The following PJA2 variants were observed in gnomAD, a reference collection of about 807,000 sequenced individuals.
The protein encoded by PJA2 is E3 ubiquitin-protein ligase Praja-2.
PJA2 carries 25 observed loss-of-function variants against 69.3 expected under a neutral mutation model. That is an observed-to-expected ratio of 0.36 (90% confidence interval 0.26 to 0.50). The LOEUF (loss-of-function observed/expected upper bound fraction) is 0.50, where lower values mean the gene tolerates loss of function less well. PJA2 is among the 20% of genes least tolerant of loss of function. The pLI is 0.96. For synonymous variants in PJA2, 308 were observed against 277.8 expected (o/e 1.11, Z -1.08); for missense variants, 809 against 830.2 (o/e 0.97, Z 0.31).
intron 6 of PJA2, among the ~76,000 whole-genome samples, chr5:109,358,494 CTG>C (rs1455898926): frequency 6.6e-6 from 1 of 152,130 alleles, no homozygotes; most frequent in Non-Finnish European, 1.5e-5. Context: ...CTCTATATTT[CTG>C]TGTGTGTGTC....
chr5:109,381,727 A>C, intron 2 of PJA2, 24 bp from the exon 3 acceptor site: 2 of 1,605,926 alleles, frequency 1.2e-6, no homozygotes, highest in Non-Finnish European at 1.7e-6. Flanking sequence ...TAAAAAATTA[A>C]AACAGGAACA....
At chr5:109,382,307 C>G (rs1426202379) in intron 2 of PJA2, among the ~76,000 whole-genome samples, 1 of 152,094 alleles carries the variant, frequency 6.6e-6, no homozygotes, top group Admixed American at 6.6e-5. Context: ...ACTACCCTGC[C>G]TTCAAAACTA....
chr5:109,338,403 T>G (rs113199826), intron 9 of PJA2, among the ~76,000 whole-genome samples: 117 of 151,878 alleles, frequency 7.7e-4, no homozygotes, highest in African/African-American at 2.4e-3. Flanking sequence ...ACTTTGGGAG[T>G]CCGAGGTGGA....
intron 1 of PJA2, among the ~76,000 whole-genome samples, chr5:109,394,295 G>A (rs1439378563): frequency 2.6e-5 from 4 of 151,652 alleles, no homozygotes; most frequent in Non-Finnish European, 4.4e-5. Context: ...TGATCCACCC[G>A]CCTCCGCCTC....
At chr5:109,400,629 AAC>A (rs1350997628) in intron 1 of PJA2, among the ~76,000 whole-genome samples, 1 of 152,160 alleles carries the variant, frequency 6.6e-6, no homozygotes, top group Non-Finnish European at 1.5e-5. Flanking sequence ...ATAAATACAA[AAC>A]ACACAAAAAT....
chr5:109,407,355 AAAC>A (rs1367273198), intron 1 of PJA2, among the ~76,000 whole-genome samples: 2 of 152,296 alleles, frequency 1.3e-5, no homozygotes, highest in South Asian at 2.1e-4. Flanking sequence ...AAAATGTCAA[AAAC>A]AACAACATAA....
chr5:109,342,463 G>A (rs1762088419), intron 9 of PJA2, among the ~76,000 whole-genome samples: 3 of 138,102 alleles, frequency 2.2e-5, no homozygotes, highest in Admixed American at 6.9e-5. Context: ...CGCCCCGTCC[G>A]GGAGGGAGGT....
At chr5:109,396,026 A>G (rs1747400962) in intron 1 of PJA2, among the ~76,000 whole-genome samples, 1 of 151,798 alleles carries the variant, frequency 6.6e-6, no homozygotes, top group Non-Finnish European at 1.5e-5. Context: ...AAAAAAAAAG[A>G]AATGGCCAGA....
In PJA2 at chr5:109,341,407, C is replaced by T. The variant is rs561389475; in HGVS notation, c.2001+2783G>A. Among the ~76,000 whole-genome samples the T allele has an allele frequency of 2.1e-5, 3 of 144,460 alleles. No homozygotes were observed. In the South Asian group the frequency reaches 6.9e-4, roughly 33 times the overall value. 94.8% of individuals were successfully genotyped at this position (144,460 alleles called of 152,430 possible). ...AGTGAGGAGACCCTCTGCCGGGCAA[C>T]CACCCCGTCTGAGAAGTGAGGAGCC... On this transcript the variant is annotated intron_variant, in intron 9 of 9. Coordinates refer to ENST00000361189, the MANE Select transcript of PJA2 (RefSeq NM_014819.5).
intron 9 of PJA2, among the ~76,000 whole-genome samples, chr5:109,337,669 G>A (rs1274933507): frequency 1.3e-5 from 2 of 152,106 alleles, no homozygotes; most frequent in South Asian, 2.1e-4. Flanking sequence ...GGCAGAGGGT[G>A]AGCAAAGAAT....
At chr5:109,385,837 G>T (rs1277918562) in intron 1 of PJA2, among the ~76,000 whole-genome samples, 1 of 152,176 alleles carries the variant, frequency 6.6e-6, no homozygotes, top group African/African-American at 2.4e-5. Context: ...TACATAATGA[G>T]ATATCGTGGG....
intron 7 of PJA2, among the ~76,000 whole-genome samples, chr5:109,349,536 A>T (rs1399386532): frequency 6.6e-6 from 1 of 152,214 alleles, no homozygotes; most frequent in Non-Finnish European, 1.5e-5. Flanking sequence ...ACAGTTCTGC[A>T]GTACAGCACT....
intron 1 of PJA2, among the ~76,000 whole-genome samples, chr5:109,408,716 G>A (rs930273954): frequency 6.6e-6 from 1 of 152,194 alleles, no homozygotes; most frequent in Non-Finnish European, 1.5e-5. Context: ...AAACTTGCAT[G>A]TCTGCAATGA....
chr5:109,341,248 C>CG (rs1471332505), intron 9 of PJA2, among the ~76,000 whole-genome samples: 1 of 147,360 alleles, frequency 6.8e-6, no homozygotes, highest in Non-Finnish European at 1.5e-5. Context: ...CATCTCTGCC[C>CG]GGCCGCCCAT....
chr5:109,350,715 A>G (rs1285275501), intron 7 of PJA2, among the ~76,000 whole-genome samples: 2 of 152,208 alleles, frequency 1.3e-5, no homozygotes, highest in Non-Finnish European at 2.9e-5. Context: ...AGTTAAGTGA[A>G]TTGTCCAAGG....
At chr5:109,345,671 G>T (rs1347045574) in intron 7 of PJA2, among the ~76,000 whole-genome samples, 1 of 152,182 alleles carries the variant, frequency 6.6e-6, no homozygotes, top group African/African-American at 2.4e-5. Context: ...TTCACTTCAT[G>T]AAAGATAAAA....
At chr5:109,359,236 C>T (rs365622) in intron 6 of PJA2, among the ~76,000 whole-genome samples, 66,042 of 152,088 alleles carry the variant, frequency 0.43, 17,650 homozygotes, top group Non-Finnish European at 0.59. Context: ...GTATATAATA[C>T]ATATCACATA....
In PJA2 at chr5:109,342,718, C is replaced by G. The variant is rs1180991200; in HGVS notation, c.2001+1472G>C. Among the ~76,000 whole-genome samples, 4 of 135,746 alleles carry G rather than the reference C, an allele frequency of 2.9e-5. No individual in the cohort carries two copies. In the East Asian group the frequency reaches 9.3e-4, roughly 32 times the overall value. The allele number at this position is 135,746 out of a possible 152,430, so 89.1% of individuals were successfully genotyped here. A position where few individuals can be genotyped will look rare whatever the true frequency, so the allele number is the denominator to read the frequency against. ...AGGGAGGTGGGGGGAGTCAGCCCCC[C>G]CGCCCGGCCAGCCGCCCCGTCCGGG... On this transcript the variant is annotated intron_variant, in intron 9 of 9. Transcript: ENST00000361189.
At chr5:109,371,112 T>C (rs1052129894) in intron 4 of PJA2, among the ~76,000 whole-genome samples, 1 of 152,172 alleles carries the variant, frequency 6.6e-6, no homozygotes, top group Non-Finnish European at 1.5e-5. Flanking sequence ...TTTTGCCTCT[T>C]AGTCACCAAA....
Sources: gnomAD v4.1 joint callset for allele counts (sites outside exome capture counted in the v4.1 genomes callset) on GRCh38, gnomAD v4.1.1 for gene constraint, MANE v1.5 for transcripts, NCBI Gene and HGNC (gene_info 2026-07-23, HGNC 2026-07-21) for gene names.